The following MYO5A variants were observed in gnomAD, a reference collection of about 807,000 sequenced individuals.
MYO5A encodes myosin VA, also known as unconventional myosin-Va.
MYO5A carries 98 observed loss-of-function variants against 249.7 expected under a neutral mutation model. The observed-to-expected ratio is 0.39, with a 90% CI of 0.33 to 0.46. MYO5A has a LOEUF of 0.46. MYO5A is among the 20% of genes least tolerant of loss of function. The probability of loss-of-function intolerance (pLI) is 0.98; values close to 1 mark genes in which losing one functional copy is unlikely to be tolerated. For missense variants in MYO5A, 1,696 were observed against 2,308.8 expected, an observed-to-expected ratio of 0.73 and a Z score of 5.44; for synonymous variants, 778 against 810.6, an observed-to-expected ratio of 0.96 and a Z score of 0.68.
At chr15:52,465,786 A>C (rs966033873) in intron 1 of MYO5A, among the ~76,000 whole-genome samples, 1 of 152,212 alleles carries the variant, frequency 6.6e-6, no homozygotes, top group Admixed American at 6.5e-5. Flanking sequence ...CACACTTCAT[A>C]AACTCAGAAG....
chr15:52,350,935 T>C (rs2141018456), intron 28 of MYO5A, among the ~76,000 whole-genome samples: 2 of 152,282 alleles, frequency 1.3e-5, no homozygotes, highest in Middle Eastern at 6.8e-3. Flanking sequence ...AGTAAGAAAA[T>C]TTAGAGATTT....
chr15:52,510,907 T>A lies in MYO5A; in HGVS notation c.27+17873A>T, dbSNP rs942516371. On this transcript the variant is annotated intron_variant, in intron 1 of 41. Transcript: ENST00000399233. ...TTTCATTTAATTGTACCCATCACTT[T>A]GATTTTTTGTGAACTCAAATGAGAC... 3.3e-5 allele frequency among the ~76,000 whole-genome samples: 5 copies of A among 152,234 alleles called. 1 individual carries two copies. The highest frequency in any genetic ancestry group is 4.1e-4 in the South Asian group (2 of 4,832).
intron 1 of MYO5A, among the ~76,000 whole-genome samples, chr15:52,484,052 C>A (rs1218430834): frequency 6.6e-6 from 1 of 152,072 alleles, no homozygotes; most frequent in Non-Finnish European, 1.5e-5. Context: ...TTAGGGGGCA[C>A]TGGAATTGTT....
intron 1 of MYO5A, among the ~76,000 whole-genome samples, chr15:52,472,059 G>A (rs1267171946): frequency 1.4e-5 from 2 of 146,240 alleles, no homozygotes; most frequent in Admixed American, 1.4e-4. Flanking sequence ...CGGCAGAAGC[G>A]TCTTCTCCTG....
At chr15:52,359,934 ATCCTACTTTC>A in intron 25 of MYO5A, 24 bp downstream of exon 25, 2 of 1,449,532 alleles carry the variant, frequency 1.4e-6, no homozygotes, top group Non-Finnish European at 1.9e-6. Context: ...GCATGCTCAT[ATCCTACTTTC>A]AGTGACAGAT....
At chr15:52,423,376 C>T (rs2075324222) in intron 4 of MYO5A, among the ~76,000 whole-genome samples, 1 of 152,000 alleles carries the variant, frequency 6.6e-6, no homozygotes, top group Non-Finnish European at 1.5e-5. Flanking sequence ...CACAGTGAAA[C>T]CCCGTCTCCA....
chr15:52,477,909 T>C (rs1874663454), intron 1 of MYO5A, among the ~76,000 whole-genome samples: 2 of 152,212 alleles, frequency 1.3e-5, no homozygotes. Flanking sequence ...TCAAACTCCA[T>C]GCTGGGAGAA....
At chr15:52,364,864 A>T (rs1162890498) in intron 23 of MYO5A, among the ~76,000 whole-genome samples, 162 bp from the exon 24 acceptor site, 1 of 152,214 alleles carries the variant, frequency 6.6e-6, no homozygotes, top group East Asian at 1.9e-4. Context: ...AGAAAAAATG[A>T]CCAAAAAATG....
At chr15:52,356,336 A>T (rs2040215868) in intron 25 of MYO5A, among the ~76,000 whole-genome samples, 1 of 152,144 alleles carries the variant, frequency 6.6e-6, no homozygotes, top group Admixed American at 6.5e-5. Context: ...AGTTCAAAGA[A>T]GAAAAACACA....
chr15:52,334,716 G>A (rs1289199397), intron 34 of MYO5A, among the ~76,000 whole-genome samples: 1 of 152,184 alleles, frequency 6.6e-6, no homozygotes, highest in Non-Finnish European at 1.5e-5. Context: ...CACTATGCTA[G>A]GTGCTGTGAA....
chr15:52,433,240 C>A lies in MYO5A; in HGVS notation c.73G>T (p.Ala25Ser). The A allele has an allele frequency of 6.2e-7, 1 of 1,613,798 alleles. No individual in the cohort carries two copies. The highest frequency in any genetic ancestry group is 8.5e-7 in the Non-Finnish European group (1 of 1,179,856). Residue 25 changes from alanine to serine, a missense_variant, in exon 2 of 42, where the codon GCA becomes TCA. Ala to Ser is a moderately conservative substitution (Grantham distance 99). This residue lies in a region of MYO5A where 197 missense variants were observed against 320.3 expected (regional missense o/e 0.62). Coordinates refer to ENST00000399233, the MANE Select transcript of MYO5A (RefSeq NM_001382347.1). ...IPDPEEVWKS[A>S]ELLKDYKPGD... ...GGCTTATAATCTTTGAGCAGCTCTG[C>A]TGACTTCCAGACTTCCTCTGGATCA...
At chr15:52,521,171 T>C (rs3764226) in intron 1 of MYO5A, among the ~76,000 whole-genome samples, 2,816 of 149,416 alleles carry the variant, frequency 0.019, 61 homozygotes, top group African/African-American at 0.054. Flanking sequence ...GAGGTTGCAG[T>C]GAGCTGAGAT....
upstream of MYO5A, chr15:52,528,942 CGCGGGGCGGG>C (rs550600899): frequency 1.5e-6 from 1 of 666,102 alleles, no homozygotes; most frequent in Non-Finnish European, 1.9e-6. Context: ...GGGAGGGCCG[CGCGGGGCGGG>C]GCGGGGCGGG....
chr15:52,465,159 T>C lies in MYO5A; in HGVS notation c.28-31874A>G, dbSNP rs560231099. 2.0e-5 allele frequency among the ~76,000 whole-genome samples: 3 copies of C among 152,302 alleles called. No homozygotes were observed. The South Asian group carries it at 6.2e-4, about 32-fold the overall frequency. ...ACGGAATTCTATAATGAGCTGGCTT[T>C]GAGAGGGCAAATGAGTAGGCCATCT... On this transcript the variant is annotated intron_variant, in intron 1 of 41. Transcript: ENST00000399233.
At chr15:52,463,040 G>A (rs1656871984) in intron 1 of MYO5A, among the ~76,000 whole-genome samples, 1 of 152,088 alleles carries the variant, frequency 6.6e-6, no homozygotes, top group African/African-American at 2.4e-5. Context: ...CAGGACAATG[G>A]GAATCATAAC....
At chr15:52,435,622 G>A (rs1227081524) in intron 1 of MYO5A, 1 of 453,876 alleles carries the variant, frequency 2.2e-6, no homozygotes, top group East Asian at 7.0e-5. Flanking sequence ...CTTCCTATTG[G>A]GAAGCTGCTG....
At chr15:52,482,911 T>C (rs886132536) in intron 1 of MYO5A, among the ~76,000 whole-genome samples, 7 of 152,126 alleles carry the variant, frequency 4.6e-5, no homozygotes, top group African/African-American at 1.7e-4. Context: ...GCTTCTATCA[T>C]TGCAATGGAC....
chr15:52,419,999 G>C (rs529713926), intron 4 of MYO5A, among the ~76,000 whole-genome samples: 2 of 152,242 alleles, frequency 1.3e-5, no homozygotes, highest in African/African-American at 4.8e-5. Context: ...ACAGCGTTGA[G>C]AGGTGAGACT....
intron 4 of MYO5A, among the ~76,000 whole-genome samples, chr15:52,419,817 A>C (rs543145006): frequency 6.6e-6 from 1 of 152,256 alleles, no homozygotes; most frequent in East Asian, 1.9e-4. Flanking sequence ...ATAGCCAACT[A>C]TATTTGTTTA....
Sources: gnomAD v4.1 joint callset for allele counts (sites outside exome capture counted in the v4.1 genomes callset) on GRCh38, gnomAD v4.1.1 for gene constraint, gnomAD v4.1.1 regional missense constraint, MANE v1.5 for transcripts, NCBI Gene and HGNC (gene_info 2026-07-23, HGNC 2026-07-21) for gene names.